SLC35D4: variants seen among roughly 807,000 people sequenced by gnomAD.
SLC35D4 encodes UDP-N-acetylglucosamine transporter SLC35D4.
chr18:23,275,657 CTTTG>C, the SLC35D4 span, among the ~76,000 whole-genome samples: 10 of 135,842 alleles, frequency 7.4e-5, no homozygotes, highest in African/African-American at 2.9e-4. Context: ...CTGTGCTGTG[CTTTG>C]TTTGGGGACT....
the SLC35D4 span, among the ~76,000 whole-genome samples, chr18:23,291,216 G>A: frequency 6.6e-6 from 1 of 152,200 alleles, no homozygotes. Flanking sequence ...GAAGAACAGT[G>A]CTCCTAGAAT....
the SLC35D4 span, among the ~76,000 whole-genome samples, chr18:23,278,600 T>C: frequency 1.3e-5 from 2 of 152,164 alleles, no homozygotes; most frequent in Non-Finnish European, 2.9e-5. Flanking sequence ...GTAATCAAAC[T>C]AATAATGGCT....
chr18:23,402,272 GAAAAAGAATT>G, the SLC35D4 span, among the ~76,000 whole-genome samples: 1 of 152,110 alleles, frequency 6.6e-6, no homozygotes, highest in African/African-American at 2.4e-5. Context: ...GGGCAAAAAG[GAAAAAGAATT>G]AAAAATCAAA....
At chr18:23,286,828 T>C in the SLC35D4 span, among the ~76,000 whole-genome samples, 4 of 151,888 alleles carry the variant, frequency 2.6e-5, no homozygotes, top group African/African-American at 9.7e-5. Context: ...CGAGACACTT[T>C]AACTAAATTA....
the SLC35D4 span, among the ~76,000 whole-genome samples, chr18:23,279,576 A>G: frequency 6.6e-6 from 1 of 151,736 alleles, no homozygotes; most frequent in Non-Finnish European, 1.5e-5. Flanking sequence ...AGTTCTATGA[A>G]GGGGAAAATA....
chr18:23,243,025 A>G, the SLC35D4 span, among the ~76,000 whole-genome samples: 1 of 150,398 alleles, frequency 6.6e-6, no homozygotes, highest in Non-Finnish European at 1.5e-5. Flanking sequence ...ATATATTTAT[A>G]AATATAGATA....
chr18:23,294,480 T>A, the SLC35D4 span, among the ~76,000 whole-genome samples: 1 of 152,214 alleles, frequency 6.6e-6, no homozygotes, highest in Non-Finnish European at 1.5e-5. Flanking sequence ...TGACGGAAAC[T>A]GATAGCATAC....
the SLC35D4 span, among the ~76,000 whole-genome samples, chr18:23,401,992 G>C: frequency 1.3e-4 from 20 of 152,334 alleles, no homozygotes; most frequent in East Asian, 2.9e-3. Flanking sequence ...GGCTCCAGAC[G>C]TGGGACCACC....
chr18:23,282,374 C>G, the SLC35D4 span, among the ~76,000 whole-genome samples: 8 of 152,322 alleles, frequency 5.3e-5, no homozygotes, highest in Admixed American at 2.0e-4. Flanking sequence ...GTTTTACTAA[C>G]GGTAAACCAC....
At chr18:23,239,751 G>A in the SLC35D4 span, among the ~76,000 whole-genome samples, 5 of 152,340 alleles carry the variant, frequency 3.3e-5, no homozygotes, top group African/African-American at 1.2e-4. Context: ...CTTGGAGTGA[G>A]TGGGGATGTC....
chr18:23,242,876 A>G, the SLC35D4 span, among the ~76,000 whole-genome samples: 101 of 152,258 alleles, frequency 6.6e-4, no homozygotes, highest in Middle Eastern at 3.4e-3. Flanking sequence ...GGAATGTATC[A>G]TAGAACTTAA....
the SLC35D4 span, among the ~76,000 whole-genome samples, chr18:23,286,691 C>G: frequency 6.6e-6 from 1 of 152,008 alleles, no homozygotes; most frequent in Non-Finnish European, 1.5e-5. Context: ...GCCTCCATAA[C>G]TGTTGTAGGT....
the SLC35D4 span, among the ~76,000 whole-genome samples, chr18:23,372,314 A>G: frequency 6.6e-6 from 1 of 152,084 alleles, no homozygotes. Flanking sequence ...TGGGCATTAG[A>G]ACAGGGGTAA....
chr18:23,383,514 C>A, the SLC35D4 span, among the ~76,000 whole-genome samples: 1 of 151,826 alleles, frequency 6.6e-6, no homozygotes, highest in African/African-American at 2.4e-5. Flanking sequence ...TTCAGGGGAA[C>A]GGCGGGGGCA....
the SLC35D4 span, chr18:23,310,221 A>G: frequency 2.0e-6 from 2 of 985,324 alleles, no homozygotes; most frequent in Non-Finnish European, 2.4e-6. Context: ...GTCCTCACCT[A>G]ATGCTCCCAT....
the SLC35D4 span, among the ~76,000 whole-genome samples, chr18:23,341,149 A>AT: frequency 6.6e-6 from 1 of 152,356 alleles, no homozygotes; most frequent in East Asian, 1.9e-4. Context: ...ATGCAGTTAG[A>AT]TTTTACATGC....
the SLC35D4 span, among the ~76,000 whole-genome samples, chr18:23,240,503 G>A: frequency 6.6e-6 from 1 of 152,234 alleles, no homozygotes; most frequent in African/African-American, 2.4e-5. Flanking sequence ...GCCAGGTTGT[G>A]GAATGCCCTC....
At chr18:23,341,313 G>A in the SLC35D4 span, among the ~76,000 whole-genome samples, 28 of 152,220 alleles carry the variant, frequency 1.8e-4, no homozygotes, top group African/African-American at 4.6e-4. Context: ...TTTTCTCCAC[G>A]CTAAGTATTC....
At chr18:23,398,832 C>T in the SLC35D4 span, among the ~76,000 whole-genome samples, 4 of 152,070 alleles carry the variant, frequency 2.6e-5, no homozygotes, top group Non-Finnish European at 4.4e-5. Context: ...TGCACTTTCC[C>T]CAAAGTCAGA....
Sources: allele counts gnomAD v4.1 joint callset (sites outside exome capture counted in the v4.1 genomes callset), GRCh38; gene constraint gnomAD v4.1.1; transcripts MANE v1.5; gene names NCBI Gene and HGNC (gene_info 2026-07-23, HGNC 2026-07-21).